The following NFS1 variants were observed in gnomAD, a reference collection of about 807,000 sequenced individuals.
NFS1 encodes the protein NFS1 cysteine desulfurase, also known as cysteine desulfurase.
In NFS1, 26 loss-of-function variants were observed where a neutral mutation model predicts 57.3. The ratio of observed to expected loss-of-function variants is 0.45; its 90% CI spans 0.33 to 0.63. The LOEUF (loss-of-function observed/expected upper bound fraction) is 0.63, where lower values mean the gene tolerates loss of function less well. Among genes scored for constraint, NFS1 ranks in the 20% least tolerant of loss-of-function variants. NFS1 has a pLI of 0.02. For missense variants in NFS1, 505 were observed against 605.8 expected, an observed-to-expected ratio of 0.83 and a Z score of 1.75; for synonymous variants, 209 against 216.3, an observed-to-expected ratio of 0.97 and a Z score of 0.30.
At chr20:35,670,939 A>G (rs1031957652) in intron 12 of NFS1, among the ~76,000 whole-genome samples, 8 of 152,124 alleles carry the variant, frequency 5.3e-5, no homozygotes, top group African/African-American at 1.9e-4. Context: ...TCCTCTCTCT[A>G]CCAACTAGAT....
At chr20:35,675,813 G>C (rs2034729708) in intron 7 of NFS1, 1 of 148,738 alleles carries the variant, frequency 6.7e-6, no homozygotes, top group Non-Finnish European at 1.5e-5. Flanking sequence ...AGAGGTTGCA[G>C]TGAGCTGAGA....
At position 35,690,510 on chromosome 20, in the gene NFS1, T is replaced by C. The variant is rs1373062234; in HGVS notation, c.464A>G (p.Glu155Gly). 1 of 1,614,084 alleles carries C rather than the reference T, an allele frequency of 6.2e-7. No homozygotes were observed. Among genetic ancestry groups the C allele is most frequent in the South Asian group, 1.1e-5 (1 of 91,070 alleles). ...RKKHLITTQTEHKCVLDSCRS... is the reference protein window; with the variant it reads ...RKKHLITTQTGHKCVLDSCRS... ...GCAGGAGTCCAAGACACATTTGTGT[T>C]CTGTCTGGGTGGTGATCAAGTGCTT... The change falls in exon 5 of 13, where the codon GAA (glutamate) becomes GGA (glycine). Residue 155 changes from glutamate to glycine, a missense_variant. Coordinates refer to ENST00000374092, the MANE Select transcript of NFS1 (RefSeq NM_021100.5).
intron 5 of NFS1, among the ~76,000 whole-genome samples, chr20:35,687,981 C>A (rs1269890121): frequency 6.6e-6 from 1 of 152,170 alleles, no homozygotes; most frequent in African/African-American, 2.4e-5. Context: ...CAGTGGCTCA[C>A]GTCTATAATC....
In NFS1 at chr20:35,684,880, T is replaced by C. The variant is rs532892001; in HGVS notation, c.562-2899A>G. The stretch of plus-strand genomic sequence containing the variant: ...GGAGTTTGAGACCAGCCTTGCAACA[T>C]AGGGAGACCCTGTCTCTTTTTTCTT... On this transcript the variant is annotated intron_variant, in intron 5 of 12. Transcript: ENST00000374092. Among the ~76,000 whole-genome samples the C allele has an allele frequency of 1.3e-4, 20 of 151,890 alleles. No individual in the cohort carries two copies. In the East Asian group the frequency reaches 1.7e-3, roughly 13 times the overall value.
At chr20:35,674,773 A>G in intron 8 of NFS1, 156 bp from the exon 9 acceptor site, 2 of 691,656 alleles carry the variant, frequency 2.9e-6, no homozygotes, top group Non-Finnish European at 4.9e-6. Context: ...AGTACTGAGC[A>G]TAGTGCCTGG....
chr20:35,686,102 G>T (rs1479262828), intron 5 of NFS1, among the ~76,000 whole-genome samples: 1 of 150,712 alleles, frequency 6.6e-6, no homozygotes, highest in Non-Finnish European at 1.5e-5. Flanking sequence ...GCTAATTTTT[G>T]TATTTTTTAG....
chr20:35,679,044 T>A (rs1227884828), intron 7 of NFS1, among the ~76,000 whole-genome samples: 1 of 152,206 alleles, frequency 6.6e-6, no homozygotes, highest in Non-Finnish European at 1.5e-5. Context: ...TCTATTTAGA[T>A]TCTGGACTTG....
In NFS1 at chr20:35,699,183, C is replaced by T; in HGVS notation, c.97+9G>A. ...TCCGCGCCTCCCGGAGAGCGGGACCCGAGCGTACCGCGCAGGCGCAGCCCC... is the reference window on the plus strand; with the variant it reads ...TCCGCGCCTCCCGGAGAGCGGGACCTGAGCGTACCGCGCAGGCGCAGCCCC... On this transcript the variant is annotated intron_variant, in intron 1 of 12. Transcript: ENST00000374092. The surrounding 1 kb of genome is among the most constrained non-coding windows in gnomAD (Gnocchi z 4.4). The T allele has an allele frequency of 3.6e-6, 5 of 1,400,476 alleles. No homozygotes were observed. The highest frequency in any genetic ancestry group is 1.6e-5 in the South Asian group (1 of 63,688). 86.8% of individuals were successfully genotyped at this position (1,400,476 alleles called of 1,614,324 possible). A position where few individuals can be genotyped will look rare whatever the true frequency, so the allele number is the denominator to read the frequency against.
intron 4 of NFS1, 142 bp downstream of exon 4, chr20:35,696,235 A>G (rs1043945775): frequency 1.4e-4 from 96 of 682,554 alleles, no homozygotes; most frequent in South Asian, 3.0e-4. Context: ...GGAAGCAACA[A>G]ATCAGAAAGA....
Position 35,668,244 on chromosome 20 carries a change from C to T in NFS1, c.*1378G>A, listed in dbSNP as rs957171876. ...TACCAAACTTTAGCCCAGTGGCTTTCAAACTTTCCTGTCCCCCTGCTACTG... is the reference window on the plus strand; with the variant it reads ...TACCAAACTTTAGCCCAGTGGCTTTTAAACTTTCCTGTCCCCCTGCTACTG... On this transcript the variant is annotated 3_prime_UTR_variant, in exon 13 of 13. Transcript: ENST00000374092. 1.2e-4 allele frequency: 19 copies of T among 152,196 alleles called. No individual in the cohort carries two copies. The highest frequency in any genetic ancestry group is 4.6e-4 in the African/African-American group (19 of 41,444). 9.4% of individuals were successfully genotyped at this position (152,196 alleles called of 1,614,324 possible).
chr20:35,672,890 C>G, intron 11 of NFS1, 46 bp from the exon 12 acceptor site: 1 of 1,162,238 alleles, frequency 8.6e-7, no homozygotes, highest in Middle Eastern at 2.0e-4. Flanking sequence ...AGCTCTGGCA[C>G]TGGGATAAAT....
intron 4 of NFS1, chr20:35,694,507 A>C (rs1273356705): frequency 6.6e-6 from 1 of 152,242 alleles, no homozygotes; most frequent in East Asian, 1.9e-4. Context: ...TAAACCATAT[A>C]GGACAAAATT....
At chr20:35,688,027 A>G (rs554554660) in intron 5 of NFS1, among the ~76,000 whole-genome samples, 7 of 152,202 alleles carry the variant, frequency 4.6e-5, no homozygotes, top group South Asian at 2.1e-4. Flanking sequence ...GCAGATCACC[A>G]TAAGTAAGGA....
intron 4 of NFS1, among the ~76,000 whole-genome samples, chr20:35,692,603 G>A (rs1427776597): frequency 3.3e-5 from 5 of 150,542 alleles, no homozygotes; most frequent in African/African-American, 1.2e-4. Flanking sequence ...AGCTACTCAG[G>A]AGGATCACCT....
chr20:35,691,738 C>CAA (rs60402350), intron 4 of NFS1, among the ~76,000 whole-genome samples: 482 of 18,152 alleles, frequency 0.027, 90 homozygotes, highest in African/African-American at 0.058. Flanking sequence ...GACTGCATCT[C>CAA]AAAAAAAAAA....
chr20:35,689,937 A>AT (rs1438430408), intron 5 of NFS1, among the ~76,000 whole-genome samples: 1 of 150,112 alleles, frequency 6.7e-6, no homozygotes, highest in Non-Finnish European at 1.5e-5. Context: ...CTCAAAAAAA[A>AT]AAAAAAAAAA....
chr20:35,696,576 C>G (rs1019664547), intron 3 of NFS1, 116 bp from the exon 4 acceptor site: 2 of 723,604 alleles, frequency 2.8e-6, no homozygotes, highest in Admixed American at 4.4e-5. Context: ...CACCAAATTG[C>G]CCTGGATGAA....
At chr20:35,683,585 C>T (rs149349935) in intron 5 of NFS1, among the ~76,000 whole-genome samples, 5,612 of 151,370 alleles carry the variant, frequency 0.037, 183 homozygotes, top group South Asian at 0.17. Context: ...TCGAGACCAT[C>T]CTGGCTAACA....
intron 12 of NFS1, among the ~76,000 whole-genome samples, chr20:35,669,891 C>T (rs1166420613): frequency 6.6e-6 from 1 of 152,146 alleles, no homozygotes; most frequent in Non-Finnish European, 1.5e-5. Context: ...GAGAGCTCTC[C>T]CCAACTGCTA....
Sources: gnomAD v4.1 joint callset for allele counts (sites outside exome capture counted in the v4.1 genomes callset) on GRCh38, gnomAD v4.1.1 for gene constraint, Gnocchi (gnomAD v3.1) non-coding constraint, MANE v1.5 for transcripts, NCBI Gene and HGNC (gene_info 2026-07-23, HGNC 2026-07-21) for gene names.